Variants in STAP1 observed in about 807,000 individuals in gnomAD.
STAP1 encodes signal transducing adaptor family member 1.
STAP1 carries 30 observed loss-of-function variants against 37.8 expected under a neutral mutation model. The observed-to-expected ratio is 0.79, with a 90% CI of 0.59 to 1.08. The LOEUF is 1.08. Ranked by LOEUF, STAP1 falls within the 50% of genes least tolerant of loss-of-function variation. The probability of loss-of-function intolerance (pLI) is 0.00; values close to 1 mark genes in which losing one functional copy is unlikely to be tolerated. For synonymous variants in STAP1, 130 were observed against 116.0 expected (o/e 1.12, Z -0.78); for missense variants, 357 against 349.4 (o/e 1.02, Z -0.17).
chr4:67,561,553 A>G (rs955375282), intron 1 of STAP1, among the ~76,000 whole-genome samples: 2 of 152,228 alleles, frequency 1.3e-5, no homozygotes, highest in Middle Eastern at 6.3e-3. Context: ...ATGCAATTCT[A>G]GAAGGTTTCT....
rs149809634 is a variant in STAP1 at position 67,569,045 on chromosome 4, C to T, written c.121-2039C>T. On this transcript the variant is annotated intron_variant, in intron 1 of 8. Transcript: ENST00000265404. ...TGATTTCATCATTGTGTGAACATCA[C>T]GGAGTATACTTATGCAACCATAGAT... Among the ~76,000 whole-genome samples, 148 of 152,284 alleles carry T rather than the reference C, an allele frequency of 9.7e-4. 1 individual carries two copies. Among genetic ancestry groups the T allele is most frequent in the Non-Finnish European group, 1.6e-3 (112 of 68,028 alleles).
intron 2 of STAP1, among the ~76,000 whole-genome samples, chr4:67,574,498 G>GATA (rs1483232846): frequency 2.0e-5 from 3 of 152,122 alleles, no homozygotes; most frequent in Non-Finnish European, 4.4e-5. Context: ...TGCTGAATTA[G>GATA]ATAATAGTTT....
At chr4:67,583,753 T>C in intron 6 of STAP1, 51 bp downstream of exon 6, 1 of 1,582,398 alleles carries the variant, frequency 6.3e-7, no homozygotes, top group South Asian at 1.1e-5. Flanking sequence ...GTGGTATCAC[T>C]AAATACAAGT....
intron 1 of STAP1, among the ~76,000 whole-genome samples, chr4:67,564,866 T>A (rs1727431533): frequency 6.6e-6 from 1 of 151,988 alleles, no homozygotes; most frequent in Non-Finnish European, 1.5e-5. Flanking sequence ...TGAGCAGAGA[T>A]CAAAATCACA....
chr4:67,572,775 G>A (rs1395923995), intron 2 of STAP1, among the ~76,000 whole-genome samples: 2 of 152,202 alleles, frequency 1.3e-5, no homozygotes, highest in African/African-American at 2.4e-5. Context: ...TACATGCATT[G>A]CCTAATTTAA....
In STAP1 at chr4:67,606,451, T is replaced by A; in HGVS notation, c.*94T>A. 3 of 1,011,604 alleles carry A rather than the reference T, an allele frequency of 3.0e-6. No individual in the cohort carries two copies. Among genetic ancestry groups the A allele is most frequent in the Non-Finnish European group, 4.3e-6 (3 of 694,148 alleles). 62.7% of individuals were successfully genotyped at this position (1,011,604 alleles called of 1,614,324 possible). Reference sequence around the variant, plus strand: ...AAGAGAATTACCTATATTCTCCTGATACTGATTACCAAGTCATTCACCTGA... The same window carrying A: ...AAGAGAATTACCTATATTCTCCTGAAACTGATTACCAAGTCATTCACCTGA... On this transcript the variant is annotated 3_prime_UTR_variant, in exon 9 of 9. Coordinates refer to ENST00000265404, the MANE Select transcript of STAP1 (RefSeq NM_012108.4).
At chr4:67,561,225 C>T (rs986883031) in intron 1 of STAP1, among the ~76,000 whole-genome samples, 36 of 152,028 alleles carry the variant, frequency 2.4e-4, no homozygotes, top group African/African-American at 8.2e-4. Context: ...AAAATCTAAG[C>T]AAAATAAGTG....
At chr4:67,574,652 T>G (rs921565383) in intron 2 of STAP1, among the ~76,000 whole-genome samples, 7 of 152,216 alleles carry the variant, frequency 4.6e-5, no homozygotes, top group African/African-American at 1.7e-4. Flanking sequence ...ATCTGGATGA[T>G]GGGCCAAATC....
intron 2 of STAP1, among the ~76,000 whole-genome samples, chr4:67,572,006 C>T (rs1213504658): frequency 3.9e-5 from 6 of 152,212 alleles, no homozygotes; most frequent in Non-Finnish European, 8.8e-5. Context: ...CTAACCTTTT[C>T]TATTGCACAG....
At chr4:67,598,463 T>C (rs1188387381) in intron 8 of STAP1, among the ~76,000 whole-genome samples, 1 of 152,214 alleles carries the variant, frequency 6.6e-6, no homozygotes, top group Admixed American at 6.5e-5. Flanking sequence ...CTTTTGAATA[T>C]AAGCCATTTT....
rs150480956 is a variant in STAP1 at position 67,575,239 on chromosome 4, C to T, written c.193-146C>T. 4.4e-5 allele frequency: 24 copies of T among 550,032 alleles called. 1 individual carries two copies. The South Asian group carries it at 6.9e-4, about 16-fold the overall frequency. The allele number at this position is 550,032 out of a possible 1,614,324, so 34.1% of individuals were successfully genotyped here. ...AGCACACCACCACATAATACATTTC[C>T]ACATGTCCTCTGGGATTAGGAAAAC... On this transcript the variant is annotated intron_variant, in intron 2 of 8. Coordinates refer to ENST00000265404, the MANE Select transcript of STAP1 (RefSeq NM_012108.4).
intron 8 of STAP1, among the ~76,000 whole-genome samples, chr4:67,598,424 A>G (rs940541961): frequency 2.6e-5 from 4 of 151,888 alleles, no homozygotes; most frequent in Admixed American, 1.3e-4. Context: ...CCTTTTCTCT[A>G]TATCCTTGCC....
intron 6 of STAP1, among the ~76,000 whole-genome samples, chr4:67,588,060 A>G (rs1728028705): frequency 6.7e-6 from 1 of 150,058 alleles, no homozygotes; most frequent in Admixed American, 6.7e-5. Flanking sequence ...AAAAAAAAAA[A>G]AAAAAGACTT....
chr4:67,560,450 A>G (rs1486269020), intron 1 of STAP1, among the ~76,000 whole-genome samples: 1 of 152,246 alleles, frequency 6.6e-6, no homozygotes, highest in African/African-American at 2.4e-5. Context: ...GAATATGGAA[A>G]AAAACACAAA....
chr4:67,604,925 T>C (rs1401105636), intron 8 of STAP1, among the ~76,000 whole-genome samples: 1 of 152,234 alleles, frequency 6.6e-6, no homozygotes, highest in East Asian at 1.9e-4. Flanking sequence ...TTGTGGTTTA[T>C]GCCTTAGTTT....
At chr4:67,578,173 A>C (rs575225813) in intron 4 of STAP1, among the ~76,000 whole-genome samples, 1 of 152,288 alleles carries the variant, frequency 6.6e-6, no homozygotes, top group East Asian at 1.9e-4. Context: ...TAACTCTTGC[A>C]GTAAGATAAT....
intron 4 of STAP1, among the ~76,000 whole-genome samples, chr4:67,578,371 G>A (rs1727772863): frequency 6.6e-6 from 1 of 152,208 alleles, no homozygotes; most frequent in Non-Finnish European, 1.5e-5. Flanking sequence ...GCAGTCATCT[G>A]AAATAAGCAC....
chr4:67,571,582 G>T (rs1314049204), intron 2 of STAP1, among the ~76,000 whole-genome samples: 1 of 152,132 alleles, frequency 6.6e-6, no homozygotes, highest in African/African-American at 2.4e-5. Flanking sequence ...TTTCTGAAAA[G>T]ACAAAAACAT....
intron 6 of STAP1, 149 bp downstream of exon 6, chr4:67,583,851 C>T (rs995892969): frequency 3.3e-5 from 28 of 859,666 alleles, no homozygotes; most frequent in Non-Finnish European, 4.8e-5. Flanking sequence ...GTAATCTCAA[C>T]ACTTCGGGAG....
Sources: allele counts gnomAD v4.1 joint callset (sites outside exome capture counted in the v4.1 genomes callset), GRCh38; gene constraint gnomAD v4.1.1; transcripts MANE v1.5; gene names NCBI Gene and HGNC (gene_info 2026-07-23, HGNC 2026-07-21).